RIMS2: variants seen among roughly 807,000 people sequenced by gnomAD.
RIMS2 encodes regulating synaptic membrane exocytosis 2.
Under a neutral mutation model 174.4 loss-of-function variants are expected in RIMS2, and 59 were observed. That is an observed-to-expected ratio of 0.34 (90% confidence interval 0.27 to 0.42). The LOEUF (loss-of-function observed/expected upper bound fraction) is 0.42. Among genes scored for constraint, RIMS2 ranks in the 10% least tolerant of loss-of-function variants. The probability of loss-of-function intolerance (pLI) is 1.00; values close to 1 mark genes in which losing one functional copy is unlikely to be tolerated. For synonymous variants in RIMS2, 606 were observed against 572.5 expected (o/e 1.06, Z -0.84); for missense variants, 1,620 against 1,666.3 (o/e 0.97, Z 0.48).
chr8:103,918,605 G>A lies in RIMS2; in HGVS notation c.2083+118G>A, dbSNP rs549077899. The stretch of plus-strand genomic sequence containing the variant: ...ATATGATAACCTTGTTATCAAGTCT[G>A]TAAGCATATAAAGATGGAAAATTTA... On this transcript the variant is annotated intron_variant, in intron 9 of 23. Transcript: ENST00000504942. 6.1e-4 allele frequency: 456 copies of A among 753,096 alleles called. No homozygotes were observed. The African/African-American group carries it at 7.1e-3, about 12-fold the overall frequency. 46.7% of individuals were successfully genotyped at this position (753,096 alleles called of 1,614,324 possible).
intron 2 of RIMS2, among the ~76,000 whole-genome samples, chr8:103,718,664 T>A (rs2097404003): frequency 6.6e-6 from 1 of 152,036 alleles, no homozygotes; most frequent in African/African-American, 2.4e-5. Flanking sequence ...ACAACCTTTT[T>A]TTTTTGTGGG....
intron 15 of RIMS2, among the ~76,000 whole-genome samples, chr8:103,968,359 A>G (rs2092404666): frequency 6.6e-6 from 1 of 151,866 alleles, no homozygotes; most frequent in South Asian, 2.1e-4. Flanking sequence ...TGGGATTAAT[A>G]TCTACTGTTT....
chr8:103,969,596 C>A (rs1221177298), intron 15 of RIMS2, among the ~76,000 whole-genome samples: 3 of 152,292 alleles, frequency 2.0e-5, no homozygotes, highest in African/African-American at 7.2e-5. Flanking sequence ...TCTATTCCTG[C>A]AGGCTGTCCA....
chr8:104,228,080 G>C (rs1205182779), intron 19 of RIMS2, among the ~76,000 whole-genome samples: 1 of 148,836 alleles, frequency 6.7e-6, no homozygotes, highest in African/African-American at 2.5e-5. Context: ...CCAGGCTGGA[G>C]TGCAGTGGTG....
intron 14 of RIMS2, among the ~76,000 whole-genome samples, chr8:103,945,920 C>G (rs1224214181): frequency 1.3e-5 from 2 of 152,048 alleles, no homozygotes; most frequent in Admixed American, 6.6e-5. Flanking sequence ...ATATTGATAA[C>G]TAGGAAAGGA....
At chr8:104,204,349 C>T (rs2099069794) in intron 19 of RIMS2, among the ~76,000 whole-genome samples, 1 of 151,922 alleles carries the variant, frequency 6.6e-6, no homozygotes, top group African/African-American at 2.4e-5. Context: ...ACCTTTAGTC[C>T]TGAATGTGGG....
At chr8:103,681,305 G>A (rs1236159218) in intron 1 of RIMS2, among the ~76,000 whole-genome samples, 2 of 151,902 alleles carry the variant, frequency 1.3e-5, no homozygotes, top group Non-Finnish European at 2.9e-5. Flanking sequence ...ATGCACATTA[G>A]CTATTTAGAT....
intron 1 of RIMS2, among the ~76,000 whole-genome samples, chr8:103,537,377 A>AT (rs1452174547): frequency 6.6e-6 from 1 of 152,220 alleles, no homozygotes; most frequent in Non-Finnish European, 1.5e-5. Context: ...AAAACTTAGA[A>AT]TAGTTCAAAA....
intron 19 of RIMS2, among the ~76,000 whole-genome samples, chr8:104,233,955 C>A (rs148989257): frequency 2.6e-5 from 4 of 152,308 alleles, no homozygotes; most frequent in Admixed American, 1.3e-4. Context: ...GGGAAGGCCA[C>A]CCCTTAGTTC....
At chr8:103,689,016 C>T (rs1227260539) in intron 1 of RIMS2, among the ~76,000 whole-genome samples, 1 of 151,888 alleles carries the variant, frequency 6.6e-6, no homozygotes, top group African/African-American at 2.4e-5. Context: ...TAGAATTGCC[C>T]ATGCTGCATC....
intron 19 of RIMS2, among the ~76,000 whole-genome samples, chr8:104,174,441 A>G (rs1269676330): frequency 4.6e-5 from 7 of 152,094 alleles, no homozygotes; most frequent in South Asian, 2.1e-4. Flanking sequence ...GGGAGTAATG[A>G]CAATATATTA....
At chr8:103,708,341 A>T (rs753494300) in intron 2 of RIMS2, among the ~76,000 whole-genome samples, 5 of 152,072 alleles carry the variant, frequency 3.3e-5, no homozygotes, top group African/African-American at 4.8e-5. Context: ...GCCTGGTGTT[A>T]ATGTTCCACT....
At chr8:104,013,339 A>C in intron 17 of RIMS2, 103 bp from the exon 20 acceptor site, 1 of 917,948 alleles carries the variant, frequency 1.1e-6, no homozygotes, top group Non-Finnish European at 1.6e-6. Flanking sequence ...CATACTCCAT[A>C]ATTTTAAACA....
intron 17 of RIMS2, among the ~76,000 whole-genome samples, chr8:104,001,608 C>CTT (rs148252820): frequency 8.6e-5 from 13 of 151,676 alleles, no homozygotes; most frequent in South Asian, 2.1e-4. Flanking sequence ...GTAACTTTCT[C>CTT]TTTTTTTTAT....
intron 4 of RIMS2, among the ~76,000 whole-genome samples, chr8:103,897,533 C>T (rs2099293381): frequency 6.6e-6 from 1 of 151,692 alleles, no homozygotes; most frequent in Non-Finnish European, 1.5e-5. Context: ...TACTGATGCT[C>T]AAATATGGAT....
At chr8:103,617,614 A>G (rs1467286179) in intron 1 of RIMS2, among the ~76,000 whole-genome samples, 2 of 152,210 alleles carry the variant, frequency 1.3e-5, no homozygotes, top group Admixed American at 6.5e-5. Context: ...TGTGCATCTG[A>G]CGAAGTCTAA....
chr8:103,693,070 G>A (rs1425447355), intron 1 of RIMS2, among the ~76,000 whole-genome samples: 1 of 152,166 alleles, frequency 6.6e-6, no homozygotes, highest in Non-Finnish European at 1.5e-5. Flanking sequence ...TGCTGTGATG[G>A]GCAATTCACT....
chr8:103,568,090 A>G (rs2092514462), intron 1 of RIMS2, among the ~76,000 whole-genome samples: 1 of 151,904 alleles, frequency 6.6e-6, no homozygotes, highest in Non-Finnish European at 1.5e-5. Flanking sequence ...CAACATAGTG[A>G]CACCCTATCT....
chr8:103,564,523 G>T (rs535907097), intron 1 of RIMS2, among the ~76,000 whole-genome samples: 15 of 152,304 alleles, frequency 9.8e-5, no homozygotes, highest in African/African-American at 3.4e-4. Context: ...GGCTGACAGT[G>T]CAGCCTTCAG....
Sources: allele counts gnomAD v4.1 joint callset (sites outside exome capture counted in the v4.1 genomes callset), GRCh38; gene constraint gnomAD v4.1.1; transcripts MANE v1.5; gene names NCBI Gene and HGNC (gene_info 2026-07-23, HGNC 2026-07-21).